Variants in GK5 observed in about 807,000 individuals in gnomAD.
GK5 encodes the protein ATP:glycerol 3-phosphotransferase 5.
In GK5, 39 loss-of-function variants were observed where a neutral mutation model predicts 77.3. The observed-to-expected ratio is 0.50, with a 90% CI of 0.39 to 0.66. GK5 has a LOEUF of 0.66. Ranked by LOEUF, GK5 falls within the 30% of genes least tolerant of loss-of-function variation. GK5 has a pLI of 0.00. For missense variants in GK5, 487 were observed against 633.8 expected, an observed-to-expected ratio of 0.77 and a Z score of 2.49; for synonymous variants, 211 against 208.0, an observed-to-expected ratio of 1.01 and a Z score of -0.13.
At chr3:142,214,500 C>T (rs1174222838) in intron 2 of GK5, among the ~76,000 whole-genome samples, 2 of 152,018 alleles carry the variant, frequency 1.3e-5, no homozygotes, top group African/African-American at 4.8e-5. Flanking sequence ...TTGAGAAAAA[C>T]ACATCAACTC....
chr3:142,216,906 A>G (rs2064282782), intron 1 of GK5, among the ~76,000 whole-genome samples: 1 of 152,238 alleles, frequency 6.6e-6, no homozygotes, highest in Non-Finnish European at 1.5e-5. Flanking sequence ...AACTGCAGTC[A>G]GAAGACTGAA....
intron 15 of GK5, among the ~76,000 whole-genome samples, chr3:142,169,429 T>C (rs1363498888): frequency 6.6e-6 from 1 of 152,248 alleles, no homozygotes; most frequent in African/African-American, 2.4e-5. Flanking sequence ...CTGATCACCC[T>C]GGCCTGCCTT....
At chr3:142,207,249 A>G (rs2064122528) in intron 3 of GK5, among the ~76,000 whole-genome samples, 1 of 152,182 alleles carries the variant, frequency 6.6e-6, no homozygotes, top group Non-Finnish European at 1.5e-5. Context: ...ATCCATATGG[A>G]TAAGATAGGG....
chr3:142,177,502 G>T lies in GK5; in HGVS notation c.1123C>A (p.Pro375Thr). 6.2e-7 allele frequency: 1 copy of T among 1,607,916 alleles called. No individual in the cohort carries two copies. Among genetic ancestry groups the T allele is most frequent in the African/African-American group, 1.3e-5 (1 of 74,854 alleles). Residue 375 changes from proline to threonine, a missense_variant, in exon 12 of 16, where the codon CCA becomes ACA. Coordinates refer to ENST00000392993, the MANE Select transcript of GK5 (RefSeq NM_001039547.3). ...CATACCTGTAATCCACTAAAAGATG[G>T]AACAAAACAAACTCCTTCAGAATCC... is the stretch of plus-strand genomic sequence containing the variant. Reference protein sequence around the residue: ...LEDSEGVCFVPSFSGLQAPLN... With the variant: ...LEDSEGVCFVTSFSGLQAPLN...
intron 1 of GK5, among the ~76,000 whole-genome samples, chr3:142,221,521 T>C (rs913253717): frequency 6.6e-6 from 1 of 152,214 alleles, no homozygotes; most frequent in Non-Finnish European, 1.5e-5. Flanking sequence ...TAATAAAAGT[T>C]AATTTTTTTT....
intron 4 of GK5, 24 bp downstream of exon 4, chr3:142,204,671 C>T: frequency 1.6e-6 from 2 of 1,248,474 alleles, no homozygotes; most frequent in Non-Finnish European, 2.3e-6. Flanking sequence ...CAACAATATC[C>T]AAATCACACA....
In GK5 at chr3:142,160,743, G is replaced by C. The variant is rs756814325; in HGVS notation, c.*4879C>G. The C allele has an allele frequency of 6.6e-6, 1 of 152,110 alleles. No homozygotes were observed. The highest frequency in any genetic ancestry group is 2.4e-5 in the African/African-American group (1 of 41,420). 9.4% of individuals were successfully genotyped at this position (152,110 alleles called of 1,614,324 possible). A position where few individuals can be genotyped will look rare whatever the true frequency, so the allele number is the denominator to read the frequency against. On this transcript the variant is annotated 3_prime_UTR_variant, in exon 16 of 16. Transcript: ENST00000392993. ...AATTTTATTTTATTTTATTAAGACAGGGCCTTGCCCTGTTGCCCAGGCTGG... is the reference window on the plus strand; with the variant it reads ...AATTTTATTTTATTTTATTAAGACACGGCCTTGCCCTGTTGCCCAGGCTGG...
chr3:142,173,936 T>C (rs1211365890), intron 12 of GK5, among the ~76,000 whole-genome samples: 1 of 152,182 alleles, frequency 6.6e-6, no homozygotes, highest in Non-Finnish European at 1.5e-5. Context: ...TTTCTCCTAA[T>C]TAATTCTTAC....
chr3:142,222,937 A>G (rs1330940545), intron 1 of GK5, among the ~76,000 whole-genome samples: 2 of 152,232 alleles, frequency 1.3e-5, no homozygotes. Context: ...CCGTAACTAC[A>G]CTTTAAGCAG....
chr3:142,214,091 T>G (rs2064237149), intron 2 of GK5, among the ~76,000 whole-genome samples: 1 of 152,364 alleles, frequency 6.6e-6, no homozygotes, highest in East Asian at 1.9e-4. Flanking sequence ...CCCAAAGTGC[T>G]GGGATTACAG....
At chr3:142,210,284 AG>A (rs930913251) in intron 3 of GK5, among the ~76,000 whole-genome samples, 2 of 152,164 alleles carry the variant, frequency 1.3e-5, no homozygotes, top group African/African-American at 4.8e-5. Context: ...ACAAGCTGGG[AG>A]GAGGAGCTGC....
At chr3:142,201,941 G>A (rs1244656461) in intron 4 of GK5, among the ~76,000 whole-genome samples, 1 of 152,118 alleles carries the variant, frequency 6.6e-6, no homozygotes, top group Non-Finnish European at 1.5e-5. Flanking sequence ...TGAGGGCAAG[G>A]GGGTTCCTTT....
chr3:142,225,540 C>G lies in GK5; in HGVS notation c.-85G>C. On this transcript the variant is annotated 5_prime_UTR_variant, in exon 1 of 16. Transcript: ENST00000392993. ...AATGCTCCAGAGTCCCCGGGCGGCC[C>G]AACCCGGGCCCCAACCCGGCTCAGC... The G allele has an allele frequency of 6.7e-7, 1 of 1,488,344 alleles. No individual in the cohort carries two copies. Among genetic ancestry groups the G allele is most frequent in the South Asian group, 1.2e-5 (1 of 80,790 alleles). The allele number at this position is 1,488,344 out of a possible 1,614,324, so 92.2% of individuals were successfully genotyped here. A position where few individuals can be genotyped will look rare whatever the true frequency, so the allele number is the denominator to read the frequency against.
chr3:142,174,555 C>A (rs1475229824), intron 12 of GK5, among the ~76,000 whole-genome samples: 5 of 152,106 alleles, frequency 3.3e-5, no homozygotes, highest in African/African-American at 1.2e-4. Context: ...GTGCCCTGGG[C>A]AAAACTAGTA....
At chr3:142,194,964 G>A (rs2063912120) in intron 5 of GK5, among the ~76,000 whole-genome samples, 1 of 151,590 alleles carries the variant, frequency 6.6e-6, no homozygotes, top group Admixed American at 6.6e-5. Context: ...GAACTTAGGA[G>A]AAAAACATTC....
intron 11 of GK5, among the ~76,000 whole-genome samples, chr3:142,181,039 C>A (rs901013050): frequency 2.0e-5 from 3 of 152,162 alleles, no homozygotes; most frequent in African/African-American, 7.2e-5. Flanking sequence ...GGAACCACAG[C>A]CCAAAATGTG....
intron 12 of GK5, among the ~76,000 whole-genome samples, chr3:142,174,515 T>C (rs948078530): frequency 1.3e-5 from 2 of 152,164 alleles, no homozygotes; most frequent in Admixed American, 6.6e-5. Context: ...TCACAGAAAA[T>C]ACTGCTTTAA....
chr3:142,223,737 C>T (rs2064388250), intron 1 of GK5, among the ~76,000 whole-genome samples: 1 of 152,196 alleles, frequency 6.6e-6, no homozygotes, highest in African/African-American at 2.4e-5. Flanking sequence ...ACTCAGGAGG[C>T]TGAGGCAGGA....
chr3:142,213,802 A>C (rs2064232276), intron 2 of GK5, among the ~76,000 whole-genome samples: 1 of 152,072 alleles, frequency 6.6e-6, no homozygotes, highest in South Asian at 2.1e-4. Context: ...AAGAAAACAA[A>C]GGTTGTTTCT....
Sources: allele counts gnomAD v4.1 joint callset (sites outside exome capture counted in the v4.1 genomes callset), GRCh38; gene constraint gnomAD v4.1.1; transcripts MANE v1.5; gene names NCBI Gene and HGNC (gene_info 2026-07-23, HGNC 2026-07-21).